CEP85L: variants seen among roughly 807,000 people sequenced by gnomAD.
CEP85L encodes centrosomal protein of 85 kDa-like.
Under a neutral mutation model 100.3 loss-of-function variants are expected in CEP85L, and 60 were observed. That is an observed-to-expected ratio of 0.60 (90% CI 0.49 to 0.74). The LOEUF is 0.74. Ranked by LOEUF, CEP85L falls within the 30% of genes least tolerant of loss-of-function variation. The probability of loss-of-function intolerance (pLI) is 0.00; values close to 1 mark genes in which losing one functional copy is unlikely to be tolerated. For missense variants in CEP85L, 973 were observed against 936.2 expected, an observed-to-expected ratio of 1.04 and a Z score of -0.51; for synonymous variants, 319 against 322.7, an observed-to-expected ratio of 0.99 and a Z score of 0.12.
intron 5 of CEP85L, among the ~76,000 whole-genome samples, chr6:118,498,663 G>A (rs1392203805): frequency 6.8e-6 from 1 of 146,566 alleles, no homozygotes; most frequent in Non-Finnish European, 1.5e-5. Flanking sequence ...GAAAGGGAGG[G>A]AGGGAGGGAA....
At position 118,600,297 on chromosome 6, in the gene CEP85L, GGGGGTGTGTGT is replaced by G. The variant is rs1562297658; in HGVS notation, c.232+32145_232+32155del. The stretch of plus-strand genomic sequence containing the variant: ...GTACTGCCTGTCCCTGAGCCTTCCT[GGGGGTGTGTGT>G]GTGTGTGTGTGTGTGTGTGTGTGTG... On this transcript the variant is annotated intron_variant, in intron 2 of 12. Coordinates refer to ENST00000368491, the MANE Select transcript of CEP85L (RefSeq NM_001042475.3). 5.2e-4 allele frequency among the ~76,000 whole-genome samples: 32 copies of G among 61,296 alleles called. 7 individuals carry two copies. Among genetic ancestry groups the G allele is most frequent in the African/African-American group, 2.0e-3 (30 of 15,270 alleles). The allele number at this position is 61,296 out of a possible 152,430, so 40.2% of individuals were successfully genotyped here.
intron 3 of CEP85L, among the ~76,000 whole-genome samples, chr6:118,539,098 G>A (rs1163571786): frequency 2.0e-5 from 3 of 151,998 alleles, no homozygotes; most frequent in East Asian, 3.9e-4. Flanking sequence ...TATAGTACAG[G>A]TGCTAACATT....
At chr6:118,595,909 A>G (rs1182031394) in intron 2 of CEP85L, among the ~76,000 whole-genome samples, 1 of 152,196 alleles carries the variant, frequency 6.6e-6, no homozygotes, top group African/African-American at 2.4e-5. Flanking sequence ...TAATAGTAAT[A>G]AAGTTGAAGG....
chr6:118,613,167 CGCCACTGTACTCCA>C (rs1271240388), intron 2 of CEP85L, among the ~76,000 whole-genome samples: 2 of 151,918 alleles, frequency 1.3e-5, no homozygotes, highest in Non-Finnish European at 2.9e-5. Context: ...GCCGAGATCG[CGCCACTGTACTCCA>C]GCCTGGGCAA....
At chr6:118,698,155 G>A (rs1777277160) in intron 1 of CEP85L, among the ~76,000 whole-genome samples, 3 of 152,178 alleles carry the variant, frequency 2.0e-5, no homozygotes, top group African/African-American at 7.2e-5. Flanking sequence ...TGAGACATAT[G>A]TTGCTTCTAA....
At chr6:118,674,308 A>G (rs2638547) in intron 1 of CEP85L, among the ~76,000 whole-genome samples, 39,272 of 152,040 alleles carry the variant, frequency 0.26, 5,339 homozygotes, top group Non-Finnish European at 0.3. Context: ...GGTGGATCAC[A>G]AGATCAGGAG....
intron 2 of CEP85L, among the ~76,000 whole-genome samples, chr6:118,593,648 T>TG (rs1158532661): frequency 4.1e-5 from 6 of 146,666 alleles, no homozygotes; most frequent in Non-Finnish European, 9.0e-5. Flanking sequence ...ATGAGATTGG[T>TG]GGGGGGAGGG....
At chr6:118,487,420 T>C (rs1429084783) in intron 6 of CEP85L, among the ~76,000 whole-genome samples, 3 of 152,158 alleles carry the variant, frequency 2.0e-5, no homozygotes, top group Non-Finnish European at 4.4e-5. Context: ...GAACTCTCCT[T>C]CCCCAAACCA....
intron 2 of CEP85L, among the ~76,000 whole-genome samples, chr6:118,583,106 G>A (rs1487811635): frequency 2.0e-5 from 3 of 152,178 alleles, no homozygotes; most frequent in Non-Finnish European, 2.9e-5. Context: ...AGCCTGTGGC[G>A]GAGACCACTG....
At chr6:118,500,456 C>T (rs552485525) in intron 5 of CEP85L, among the ~76,000 whole-genome samples, 1 of 152,386 alleles carries the variant, frequency 6.6e-6, no homozygotes, top group Admixed American at 6.5e-5. Context: ...AATCTAGCAC[C>T]TATTGTTCGA....
rs1320078067 is a variant in CEP85L, at chr6:118,535,457, T to C, written c.1021-11537A>G. On this transcript the variant is annotated intron_variant, in intron 3 of 12. Coordinates refer to ENST00000368491, the MANE Select transcript of CEP85L (RefSeq NM_001042475.3). ...TTCTCTTGTAGTAAAATGATCCTCA[T>C]ATAATCGCAGTTTCACTTTCTCTGG... 2.0e-5 allele frequency among the ~76,000 whole-genome samples: 3 copies of C among 152,342 alleles called. No individual in the cohort carries two copies. In the East Asian group the frequency reaches 5.8e-4, roughly 29 times the overall value.
chr6:118,614,756 G>C (rs1316242046), intron 2 of CEP85L, among the ~76,000 whole-genome samples: 1 of 152,208 alleles, frequency 6.6e-6, no homozygotes, highest in African/African-American at 2.4e-5. Flanking sequence ...CAGGAGAATT[G>C]CTTGGACCCC....
chr6:118,530,531 AAG>A (rs1259998459), intron 3 of CEP85L, among the ~76,000 whole-genome samples: 1 of 152,186 alleles, frequency 6.6e-6, no homozygotes, highest in Non-Finnish European at 1.5e-5. Context: ...GCAATCAGGC[AAG>A]AGAGAGAAAT....
chr6:118,512,301 G>A (rs1048505468), intron 4 of CEP85L, among the ~76,000 whole-genome samples: 2 of 152,104 alleles, frequency 1.3e-5, no homozygotes, highest in African/African-American at 2.4e-5. Context: ...TTGGGCACTC[G>A]GTTGAATACT....
chr6:118,566,416 T>C (rs766524593), intron 2 of CEP85L, 100 bp from the exon 3 acceptor site: 7 of 1,038,864 alleles, frequency 6.7e-6, no homozygotes, highest in East Asian at 2.6e-5. Flanking sequence ...CATGGTTTCA[T>C]AGCACAAGCT....
chr6:118,599,487 C>T (rs1444810006), intron 2 of CEP85L, among the ~76,000 whole-genome samples: 1 of 152,116 alleles, frequency 6.6e-6, no homozygotes, highest in Non-Finnish European at 1.5e-5. Context: ...TACTTTCTTA[C>T]AGAAGAATTC....
intron 5 of CEP85L, among the ~76,000 whole-genome samples, chr6:118,494,540 C>A (rs796760398): frequency 3.9e-5 from 6 of 152,282 alleles, no homozygotes; most frequent in African/African-American, 1.4e-4. Flanking sequence ...TTGGCCTTCC[C>A]TGTGGAAATA....
chr6:118,651,992 C>A, upstream of CEP85L: 1 of 755,180 alleles, frequency 1.3e-6, no homozygotes, highest in Non-Finnish European at 1.6e-6. Context: ...GGGCTTCCAG[C>A]CTCCCTTGGA....
intron 2 of CEP85L, among the ~76,000 whole-genome samples, chr6:118,577,453 C>T (rs558730793): frequency 6.6e-6 from 1 of 152,296 alleles, no homozygotes; most frequent in African/African-American, 2.4e-5. Flanking sequence ...ATCAGAGTTC[C>T]ACAAGGGGTG....
Sources: gnomAD v4.1 joint callset for allele counts (sites outside exome capture counted in the v4.1 genomes callset) on GRCh38, gnomAD v4.1.1 for gene constraint, MANE v1.5 for transcripts, NCBI Gene and HGNC (gene_info 2026-07-23, HGNC 2026-07-21) for gene names.